The following UQCC1 variants were observed in gnomAD, a reference collection of about 807,000 sequenced individuals.
UQCC1 encodes ubiquinol-cytochrome c reductase complex assembly factor 1.
Under a neutral mutation model 48.0 loss-of-function variants are expected in UQCC1, and 38 were observed. The ratio of observed to expected loss-of-function variants is 0.79; its 90% confidence interval spans 0.61 to 1.04. UQCC1 has a LOEUF of 1.04. Among genes scored for constraint, UQCC1 ranks in the 50% least tolerant of loss-of-function variants. UQCC1 has a pLI of 0.00. For missense variants in UQCC1, 368 were observed against 381.8 expected (o/e 0.96, Z 0.30); for synonymous variants, 111 against 129.2 (o/e 0.86, Z 0.95).
chr20:35,365,244 T>C (rs1427155679), intron 6 of UQCC1, among the ~76,000 whole-genome samples: 3 of 152,238 alleles, frequency 2.0e-5, no homozygotes, highest in East Asian at 1.9e-4. Flanking sequence ...TGATTTATAA[T>C]TGACCATTTT....
chr20:35,319,695 G>A (rs1394349577), intron 7 of UQCC1, among the ~76,000 whole-genome samples: 1 of 152,164 alleles, frequency 6.6e-6, no homozygotes, highest in African/African-American at 2.4e-5. Context: ...CTAATCGGCA[G>A]ATTAATGAAT....
At chr20:35,322,287 G>A (rs1226064488) in intron 7 of UQCC1, among the ~76,000 whole-genome samples, 1 of 151,970 alleles carries the variant, frequency 6.6e-6, no homozygotes, top group African/African-American at 2.4e-5. Context: ...AATGATGACA[G>A]TGATGGTCGT....
chr20:35,402,631 T>A (rs557069563), intron 1 of UQCC1, among the ~76,000 whole-genome samples: 6 of 147,062 alleles, frequency 4.1e-5, no homozygotes, highest in African/African-American at 7.5e-5. Context: ...TATATATATA[T>A]AATATATATA....
At chr20:35,391,218 A>C (rs927352321) in intron 2 of UQCC1, among the ~76,000 whole-genome samples, 4 of 152,168 alleles carry the variant, frequency 2.6e-5, no homozygotes, top group African/African-American at 9.7e-5. Flanking sequence ...AAAATAAAAG[A>C]AAATAAAGAA....
At chr20:35,314,283 T>G (rs1211857414) in intron 8 of UQCC1, among the ~76,000 whole-genome samples, 1 of 151,674 alleles carries the variant, frequency 6.6e-6, no homozygotes, top group Admixed American at 6.6e-5. Context: ...GAATATGTAT[T>G]GCTTTCATAA....
chr20:35,336,875 T>C (rs1051215314), intron 7 of UQCC1, among the ~76,000 whole-genome samples: 2 of 152,206 alleles, frequency 1.3e-5, no homozygotes, highest in African/African-American at 4.8e-5. Context: ...GCTCAATAAA[T>C]GTTAGCTATT....
intron 6 of UQCC1, among the ~76,000 whole-genome samples, chr20:35,358,337 A>G (rs1379981305): frequency 7.2e-6 from 1 of 139,604 alleles, no homozygotes; most frequent in East Asian, 2.1e-4. Flanking sequence ...CTTGGCATCA[A>G]CAGTGAGAGA....
At chr20:35,318,602 C>T (rs2146318208) in intron 7 of UQCC1, among the ~76,000 whole-genome samples, 1 of 152,368 alleles carries the variant, frequency 6.6e-6, no homozygotes, top group East Asian at 1.9e-4. Context: ...TCTCCCTTCA[C>T]CTCTAGCTGA....
At chr20:35,371,134 G>A (rs2061725144) in intron 5 of UQCC1, among the ~76,000 whole-genome samples, 2 of 152,088 alleles carry the variant, frequency 1.3e-5, no homozygotes, top group Non-Finnish European at 1.5e-5. Flanking sequence ...ACCAGGCTAT[G>A]AATTGAAACA....
chr20:35,380,575 AT>A (rs1403117065), intron 4 of UQCC1, among the ~76,000 whole-genome samples: 1 of 152,220 alleles, frequency 6.6e-6, no homozygotes, highest in African/African-American at 2.4e-5. Context: ...TGAAATTCTA[AT>A]TTGAATCCAA....
intron 5 of UQCC1, among the ~76,000 whole-genome samples, chr20:35,366,914 C>T (rs1433649076): frequency 2.6e-5 from 4 of 151,506 alleles, no homozygotes; most frequent in East Asian, 3.9e-4. Context: ...GCCAACATGG[C>T]GAAACCCCAT....
chr20:35,348,635 C>A (rs749937897), intron 6 of UQCC1, among the ~76,000 whole-genome samples: 1 of 151,644 alleles, frequency 6.6e-6, no homozygotes, highest in Admixed American at 6.6e-5. Context: ...GTGATCCACC[C>A]GCCTCAGCCT....
intron 4 of UQCC1, among the ~76,000 whole-genome samples, chr20:35,378,336 T>C (rs2061826590): frequency 6.6e-6 from 1 of 152,112 alleles, no homozygotes. Context: ...TGAAAGGGCC[T>C]GGCAAGGTGG....
intron 2 of UQCC1, among the ~76,000 whole-genome samples, chr20:35,387,674 A>C (rs762126767): frequency 1.3e-5 from 2 of 152,232 alleles, no homozygotes; most frequent in Non-Finnish European, 2.9e-5. Context: ...AGAGTAACTC[A>C]GAATAACAAC....
chr20:35,384,723 C>T (rs923565178), intron 2 of UQCC1: 4 of 425,472 alleles, frequency 9.4e-6, no homozygotes, highest in Non-Finnish European at 1.9e-5. Flanking sequence ...AATCCCAGCA[C>T]TTTGGGAGGC....
chr20:35,351,320 G>C (rs572661767), intron 6 of UQCC1, among the ~76,000 whole-genome samples: 1 of 151,358 alleles, frequency 6.6e-6, no homozygotes, highest in African/African-American at 2.4e-5. Context: ...GAACCCGGGA[G>C]GCAGAGATTG....
rs147893380 is a variant in UQCC1 at position 35,376,714 on chromosome 20, C to T, written c.334-2458G>A. On this transcript the variant is annotated intron_variant, in intron 4 of 9. Coordinates refer to ENST00000374385, the MANE Select transcript of UQCC1 (RefSeq NM_018244.5). ...GCGCGGTGGCTCACACCTGTAATCCCAGCACTTTGAGAGACTGAGGTGGGC... is the reference window on the plus strand; with the variant it reads ...GCGCGGTGGCTCACACCTGTAATCCTAGCACTTTGAGAGACTGAGGTGGGC... Among the ~76,000 whole-genome samples, 6 of 152,218 alleles carry T rather than the reference C, an allele frequency of 3.9e-5. No homozygotes were observed. The South Asian group carries it at 8.3e-4, about 21-fold the overall frequency.
intron 7 of UQCC1, chr20:35,346,806 C>T: frequency 1.7e-6 from 1 of 590,268 alleles, no homozygotes. Context: ...TATAGAAGGA[C>T]TGGTTCAAAT....
chr20:35,320,074 A>G (rs899609792), intron 7 of UQCC1, among the ~76,000 whole-genome samples: 2 of 152,198 alleles, frequency 1.3e-5, no homozygotes, highest in African/African-American at 4.8e-5. Context: ...TCATGCTGTC[A>G]TCTATTTCTT....
Sources: gnomAD v4.1 joint callset for allele counts (sites outside exome capture counted in the v4.1 genomes callset) on GRCh38, gnomAD v4.1.1 for gene constraint, MANE v1.5 for transcripts, NCBI Gene and HGNC (gene_info 2026-07-23, HGNC 2026-07-21) for gene names.